The following ZCCHC10 variants were observed in gnomAD, a reference collection of about 807,000 sequenced individuals.
ZCCHC10 encodes zinc finger CCHC-type containing 10.
A neutral mutation model predicts 19.5 loss-of-function variants in ZCCHC10; 16 were observed. That is an observed-to-expected ratio of 0.82 (90% confidence interval 0.56 to 1.25). The LOEUF is 1.25. ZCCHC10 is among the 50% of genes most tolerant of loss of function. The pLI is 0.00. For synonymous variants in ZCCHC10, 67 were observed against 72.5 expected (o/e 0.92, Z 0.38); for missense variants, 197 against 201.0 (o/e 0.98, Z 0.12).
At chr5:133,005,947 T>C (rs1356648355) in intron 3 of ZCCHC10, among the ~76,000 whole-genome samples, 1 of 151,800 alleles carries the variant, frequency 6.6e-6, no homozygotes, top group Non-Finnish European at 1.5e-5. Context: ...AAGACACTAT[T>C]ATACAGCTAA....
At chr5:132,999,623 AG>A (rs1729802948) in intron 4 of ZCCHC10, among the ~76,000 whole-genome samples, 1 of 152,198 alleles carries the variant, frequency 6.6e-6, no homozygotes, top group South Asian at 2.1e-4. Flanking sequence ...CAAGGACTCT[AG>A]AAAGTTGGAG....
chr5:133,023,514 C>A (rs1764468245), intron 1 of ZCCHC10, among the ~76,000 whole-genome samples: 2 of 150,082 alleles, frequency 1.3e-5, no homozygotes, highest in Middle Eastern at 3.4e-3. Flanking sequence ...GTGGCTCACA[C>A]CTGTAATCCC....
At chr5:133,018,224 A>T (rs562170220) in intron 2 of ZCCHC10, among the ~76,000 whole-genome samples, 1 of 151,750 alleles carries the variant, frequency 6.6e-6, no homozygotes, top group East Asian at 1.9e-4. Flanking sequence ...GTTGGTTCAC[A>T]CCTGCAATCC....
rs1762516245 is a variant in ZCCHC10, at chr5:132,997,760, G to A, written c.*823C>T. On this transcript the variant is annotated 3_prime_UTR_variant, in exon 5 of 5. Transcript: ENST00000509437. Reference sequence around the variant, plus strand: ...ACCTCTTCTTCCTACCTTTCCCCCTGCTTTGAATGGTACCTTTTATTGCAT... The same window carrying A: ...ACCTCTTCTTCCTACCTTTCCCCCTACTTTGAATGGTACCTTTTATTGCAT... The A allele has an allele frequency of 6.6e-6, 1 of 152,064 alleles. No homozygotes were observed. The highest frequency in any genetic ancestry group is 2.4e-5 in the African/African-American group (1 of 41,396). 9.4% of individuals were successfully genotyped at this position (152,064 alleles called of 1,614,324 possible).
At chr5:133,017,105 G>C (rs976030430) in intron 2 of ZCCHC10, among the ~76,000 whole-genome samples, 4 of 152,080 alleles carry the variant, frequency 2.6e-5, no homozygotes, top group Non-Finnish European at 5.9e-5. Flanking sequence ...AAACTGCCTC[G>C]TGTGGACACC....
At chr5:133,022,587 G>A (rs187690208) in intron 2 of ZCCHC10, among the ~76,000 whole-genome samples, 1 of 152,054 alleles carries the variant, frequency 6.6e-6, no homozygotes, top group African/African-American at 2.4e-5. Context: ...CGAGTAGTTG[G>A]GACTACAGGC....
intron 1 of ZCCHC10, among the ~76,000 whole-genome samples, chr5:133,024,417 A>T (rs957246946): frequency 6.6e-6 from 1 of 152,190 alleles, no homozygotes; most frequent in African/African-American, 2.4e-5. Context: ...AACTGCAATC[A>T]ACTTGAAGCT....
At chr5:133,004,268 G>A (rs1762962002) in intron 3 of ZCCHC10, among the ~76,000 whole-genome samples, 1 of 151,116 alleles carries the variant, frequency 6.6e-6, no homozygotes, top group South Asian at 2.1e-4. Flanking sequence ...TCCGCCTCCC[G>A]GGTTCAAGTG....
intron 3 of ZCCHC10, among the ~76,000 whole-genome samples, chr5:133,005,978 C>CTTT (rs760600232): frequency 1.5e-3 from 145 of 97,772 alleles, no homozygotes; most frequent in Non-Finnish European, 2.0e-3. Flanking sequence ...GAAGATGCTG[C>CTTT]TTTTTTTTTT....
rs34960372 is a variant in ZCCHC10, at chr5:133,023,461, C to CTT, written c.42-557_42-556dup. ...CGTCTTCTTCTATTAGTCCAAAGAC[C>CTT]TTTTTTTTTTTTTTTTTTTAAAGAA... On this transcript the variant is annotated intron_variant, in intron 1 of 4. Transcript: ENST00000509437. 1.6e-3 allele frequency among the ~76,000 whole-genome samples: 211 copies of CTT among 135,524 alleles called. 2 individuals are homozygous for CTT. The highest frequency in any genetic ancestry group is 1.5e-3 in the Non-Finnish European group (98 of 63,704). The allele number at this position is 135,524 out of a possible 152,430, so 88.9% of individuals were successfully genotyped here.
intron 2 of ZCCHC10, among the ~76,000 whole-genome samples, chr5:133,019,752 C>A (rs768712671): frequency 3.0e-4 from 45 of 151,610 alleles, no homozygotes; most frequent in Non-Finnish European, 5.9e-4. Context: ...GTCAGGAGTT[C>A]AAGACCAGCC....
At chr5:133,004,269 G>A (rs1485672547) in intron 3 of ZCCHC10, among the ~76,000 whole-genome samples, 1 of 151,646 alleles carries the variant, frequency 6.6e-6, no homozygotes, top group Non-Finnish European at 1.5e-5. Context: ...CCGCCTCCCG[G>A]GTTCAAGTGA....
chr5:132,998,478 G>A lies in ZCCHC10; in HGVS notation c.*105C>T. 1 of 975,348 alleles carries A rather than the reference G, an allele frequency of 1.0e-6. No individual in the cohort carries two copies. Among genetic ancestry groups the A allele is most frequent in the Non-Finnish European group, 1.5e-6 (1 of 670,290 alleles). The allele number at this position is 975,348 out of a possible 1,614,324, so 60.4% of individuals were successfully genotyped here. A position where few individuals can be genotyped will look rare whatever the true frequency, so the allele number is the denominator to read the frequency against. ...AACATTTAGAAACTTTTGAATTCTA[G>A]AAATGTTCACCAGTTAACCTACTTG... On this transcript the variant is annotated 3_prime_UTR_variant, in exon 5 of 5. Coordinates refer to ENST00000509437, the MANE Select transcript of ZCCHC10 (RefSeq NM_001300816.3).
At chr5:133,020,148 T>C (rs1764207158) in intron 2 of ZCCHC10, among the ~76,000 whole-genome samples, 1 of 151,750 alleles carries the variant, frequency 6.6e-6, no homozygotes, top group African/African-American at 2.4e-5. Flanking sequence ...CTGGGCAACA[T>C]AGTGACACCC....
At position 133,006,421 on chromosome 5, in the gene ZCCHC10, C is replaced by T. The variant is rs369768079; in HGVS notation, c.269+338G>A. Among the ~76,000 whole-genome samples the T allele has an allele frequency of 3.9e-5, 6 of 152,118 alleles. No homozygotes were observed. In the South Asian group the frequency reaches 8.3e-4, roughly 21 times the overall value. ...GGCAAAAAAGCAAAATGATTAAGAC[C>T]ATGAATCTGGGGGACAGGCTGCATG... On this transcript the variant is annotated intron_variant, in intron 3 of 4. Coordinates refer to ENST00000509437, the MANE Select transcript of ZCCHC10 (RefSeq NM_001300816.3).
intron 2 of ZCCHC10, among the ~76,000 whole-genome samples, chr5:133,013,182 C>CAGGTGGCGGAT (rs1315882575): frequency 6.8e-6 from 1 of 147,504 alleles, no homozygotes; most frequent in African/African-American, 2.5e-5. Flanking sequence ...TGCTTGAACC[C>CAGGTGGCGGAT]GAGAGGCACA....
At chr5:133,016,178 C>G (rs982638280) in intron 2 of ZCCHC10, among the ~76,000 whole-genome samples, 1 of 152,158 alleles carries the variant, frequency 6.6e-6, no homozygotes, top group South Asian at 2.1e-4. Flanking sequence ...CCAAGGTGAT[C>G]TGATAATGTT....
intron 3 of ZCCHC10, chr5:133,003,152 A>T (rs1762881616): frequency 3.0e-6 from 1 of 329,412 alleles, no homozygotes; most frequent in Non-Finnish European, 6.0e-6. Flanking sequence ...GCCAAGAAGC[A>T]TGCGAAGTTG....
intron 2 of ZCCHC10, among the ~76,000 whole-genome samples, chr5:133,021,045 C>T (rs1333423330): frequency 2.0e-5 from 3 of 152,088 alleles, no homozygotes; most frequent in Non-Finnish European, 4.4e-5. Flanking sequence ...TACAGGCACC[C>T]GCCACCATGC....
Sources: gnomAD v4.1 joint callset for allele counts (sites outside exome capture counted in the v4.1 genomes callset) on GRCh38, gnomAD v4.1.1 for gene constraint, MANE v1.5 for transcripts, NCBI Gene and HGNC (gene_info 2026-07-23, HGNC 2026-07-21) for gene names.